SOS1: variants seen among roughly 807,000 people sequenced by gnomAD.
SOS1 encodes SOS Ras/Rac guanine nucleotide exchange factor 1, also known as son of sevenless homolog 1.
SOS1 carries 25 observed loss-of-function variants against 157.6 expected under a neutral mutation model. That is an observed-to-expected ratio of 0.16 (90% CI 0.12 to 0.22). The LOEUF (loss-of-function observed/expected upper bound fraction) is 0.22, where lower values mean the gene tolerates loss of function less well. SOS1 is among the 10% of genes least tolerant of loss of function. The probability of loss-of-function intolerance (pLI) is 1.00; values close to 1 mark genes in which losing one functional copy is unlikely to be tolerated. For synonymous variants in SOS1, 528 were observed against 534.0 expected, an observed-to-expected ratio of 0.99 and a Z score of 0.16; for missense variants, 1,237 against 1,599.1, an observed-to-expected ratio of 0.77 and a Z score of 3.86.
chr2:39,097,840 C>T (rs889147482), intron 1 of SOS1, among the ~76,000 whole-genome samples: 2 of 152,200 alleles, frequency 1.3e-5, no homozygotes, highest in Admixed American at 6.5e-5. Context: ...GCTGGGATTA[C>T]AGGTGTGAGC....
chr2:39,118,558 G>C (rs1057156345), intron 1 of SOS1, among the ~76,000 whole-genome samples: 2 of 152,128 alleles, frequency 1.3e-5, no homozygotes, highest in South Asian at 4.1e-4. Context: ...AAAGTCAAAA[G>C]CTGTTTTATG....
chr2:39,003,833 TTC>T (rs1669192215), intron 17 of SOS1, among the ~76,000 whole-genome samples: 1 of 152,216 alleles, frequency 6.6e-6, no homozygotes, highest in South Asian at 2.1e-4. Flanking sequence ...AAAGCAGGGT[TTC>T]TCTGTCTCAG....
chr2:39,048,567 A>C (rs1280017350), intron 6 of SOS1, among the ~76,000 whole-genome samples: 1 of 151,584 alleles, frequency 6.6e-6, no homozygotes, highest in African/African-American at 2.4e-5. Context: ...TGCCTCGCTA[A>C]TTTTTGTATT....
chr2:39,064,484 C>A (rs749659372), intron 2 of SOS1, among the ~76,000 whole-genome samples: 4 of 152,092 alleles, frequency 2.6e-5, no homozygotes, highest in Non-Finnish European at 5.9e-5. Flanking sequence ...CTTTAATACA[C>A]TTACAAAGCT....
At chr2:39,078,515 G>A (rs56123510) in intron 1 of SOS1, among the ~76,000 whole-genome samples, 141,656 of 152,006 alleles carry the variant, frequency 0.93, 66,123 homozygotes, top group African/African-American at 0.97. Context: ...TTAGGAACCA[G>A]GCCACAGAGC....
intron 19 of SOS1, among the ~76,000 whole-genome samples, chr2:38,996,592 T>A (rs559149932): frequency 2.1e-3 from 327 of 152,332 alleles, no homozygotes; most frequent in Non-Finnish European, 4.0e-3. Context: ...ACTTTTAAAA[T>A]GTCATAAGTA....
chr2:38,995,573 AT>A (rs1228541498), intron 19 of SOS1, among the ~76,000 whole-genome samples, 186 bp from the exon 20 acceptor site: 1 of 152,258 alleles, frequency 6.6e-6, no homozygotes, highest in Non-Finnish European at 1.5e-5. Flanking sequence ...AAGCCCTGGT[AT>A]CTAAATTGTT....
rs751922633 is a variant in SOS1, at chr2:38,986,365, TATC to T, written c.3511-53_3511-51del. On this transcript the variant is annotated intron_variant, in intron 22 of 22. Coordinates refer to ENST00000402219, the MANE Select transcript of SOS1 (RefSeq NM_005633.4). ...CACATTTATTAATAAATTTATGAAG[TATC>T]ATGACTATAAGAATTAAGTTGGGGT... The T allele has an allele frequency of 3.4e-6, 5 of 1,486,142 alleles. No homozygotes were observed. The South Asian group carries it at 5.9e-5, about 18-fold the overall frequency. The allele number at this position is 1,486,142 out of a possible 1,614,324, so 92.1% of individuals were successfully genotyped here. A position where few individuals can be genotyped will look rare whatever the true frequency, so the allele number is the denominator to read the frequency against.
At chr2:38,997,964 A>G (rs905840699) in intron 17 of SOS1, among the ~76,000 whole-genome samples, 10 of 152,194 alleles carry the variant, frequency 6.6e-5, no homozygotes, top group Non-Finnish European at 1.3e-4. Flanking sequence ...ATGATTTGCA[A>G]TTGAGAAGTA....
intron 1 of SOS1, among the ~76,000 whole-genome samples, chr2:39,091,149 A>G (rs538248815): frequency 6.6e-6 from 1 of 152,308 alleles, no homozygotes; most frequent in East Asian, 1.9e-4. Context: ...GATTACAGGT[A>G]TGAGCCACTA....
At chr2:39,090,277 A>T (rs1316146761) in intron 1 of SOS1, among the ~76,000 whole-genome samples, 9 of 152,198 alleles carry the variant, frequency 5.9e-5, no homozygotes, top group Admixed American at 3.9e-4. Context: ...TAATATGCCA[A>T]TCCAGAGAAA....
At chr2:39,109,779 C>T (rs1673343082) in intron 1 of SOS1, among the ~76,000 whole-genome samples, 1 of 152,102 alleles carries the variant, frequency 6.6e-6, no homozygotes, top group South Asian at 2.1e-4. Context: ...AGCATGTACA[C>T]AATATTGCCT....
In SOS1 at chr2:39,022,938, C is replaced by T. The variant is rs371314838; in HGVS notation, c.1490G>A (p.Arg497Gln). 2.9e-5 allele frequency: 46 copies of T among 1,613,372 alleles called. No individual in the cohort carries two copies. In the Middle Eastern group the frequency reaches 4.9e-4, roughly 17 times the overall value. The change falls in exon 10 of 23, where the codon CGA becomes CAA. Residue 497 changes from arginine to glutamine, a missense_variant. By Grantham distance (43) the Arg-to-Gln change is conservative. Coordinates refer to ENST00000402219, the MANE Select transcript of SOS1 (RefSeq NM_005633.4). ...EYRLKEKFFM[R>Q]KVQINDKDDT... ...ATCTTTATCATTAATTTGTACCTTT[C>T]GCATAAAAAACTTTTCTTTAAGACG...
At chr2:39,075,792 A>C (rs372276671) in intron 1 of SOS1, among the ~76,000 whole-genome samples, 4 of 152,186 alleles carry the variant, frequency 2.6e-5, no homozygotes, top group African/African-American at 7.2e-5. Flanking sequence ...AACTACAAAC[A>C]TAACAGTTTA....
intron 6 of SOS1, among the ~76,000 whole-genome samples, chr2:39,045,988 A>C (rs1044263100): frequency 1.3e-5 from 2 of 152,218 alleles, no homozygotes; most frequent in African/African-American, 4.8e-5. Context: ...CTGGAATTAC[A>C]GGCATGAGCC....
chr2:39,038,956 G>A (rs1670457631), intron 6 of SOS1, among the ~76,000 whole-genome samples: 1 of 151,914 alleles, frequency 6.6e-6, no homozygotes, highest in Admixed American at 6.6e-5. Flanking sequence ...ATAAAAGAAA[G>A]AGCGAACAGT....
chr2:39,004,245 C>T (rs61646216), intron 17 of SOS1, among the ~76,000 whole-genome samples: 1 of 151,838 alleles, frequency 6.6e-6, no homozygotes, highest in Non-Finnish European at 1.5e-5. Flanking sequence ...GAAACCCTGT[C>T]TCTACTAAAA....
chr2:39,076,435 G>A (rs75844869), intron 1 of SOS1, among the ~76,000 whole-genome samples: 1 of 151,866 alleles, frequency 6.6e-6, no homozygotes, highest in Admixed American at 6.6e-5. Context: ...CCAAATTTAG[G>A]AATGTTTAGA....
intron 8 of SOS1, among the ~76,000 whole-genome samples, chr2:39,027,943 A>AC (rs1050593594): frequency 3.3e-5 from 5 of 151,100 alleles, no homozygotes; most frequent in Non-Finnish European, 7.4e-5. Flanking sequence ...CGATTCTCCT[A>AC]CCTCAGCCTC....
Sources: gnomAD v4.1 joint callset for allele counts (sites outside exome capture counted in the v4.1 genomes callset) on GRCh38, gnomAD v4.1.1 for gene constraint, MANE v1.5 for transcripts, NCBI Gene and HGNC (gene_info 2026-07-23, HGNC 2026-07-21) for gene names.